Variants in MEIS2 observed in about 807,000 individuals in gnomAD.
The protein encoded by MEIS2 is homeobox protein Meis2.
MEIS2 carries 9 observed loss-of-function variants against 58.6 expected under a neutral mutation model. The ratio of observed to expected loss-of-function variants is 0.15; its 90% CI spans 0.09 to 0.27. The LOEUF (loss-of-function observed/expected upper bound fraction) is 0.27. MEIS2 is among the 10% of genes least tolerant of loss of function. The pLI, the probability that MEIS2 is intolerant of heterozygous loss-of-function variation, is 1.00. For missense variants in MEIS2, 427 were observed against 635.0 expected (o/e 0.67, Z 3.52); for synonymous variants, 221 against 228.4 (o/e 0.97, Z 0.29).
At chr15:36,962,582 G>A (rs2059222666) in intron 8 of MEIS2, among the ~76,000 whole-genome samples, 1 of 150,302 alleles carries the variant, frequency 6.7e-6, no homozygotes, top group Non-Finnish European at 1.5e-5. Flanking sequence ...TTTTTTTCAT[G>A]AGTATTTTCA....
chr15:36,984,826 T>C (rs1383578910), intron 8 of MEIS2, among the ~76,000 whole-genome samples: 1 of 152,178 alleles, frequency 6.6e-6, no homozygotes, highest in Non-Finnish European at 1.5e-5. Flanking sequence ...GTAGGTTATA[T>C]GTTTCTAGGA....
At chr15:36,906,066 G>C (rs1193589992) in intron 9 of MEIS2, among the ~76,000 whole-genome samples, 8 of 152,170 alleles carry the variant, frequency 5.3e-5, no homozygotes, top group Non-Finnish European at 1.2e-4. Flanking sequence ...ATGGCATGCT[G>C]TAAAGCACCA....
intron 8 of MEIS2, among the ~76,000 whole-genome samples, chr15:37,018,334 C>T (rs2061417045): frequency 6.6e-6 from 1 of 152,184 alleles, no homozygotes; most frequent in African/African-American, 2.4e-5. Flanking sequence ...CACTTCTTTA[C>T]AGCATAGGAC....
intron 9 of MEIS2, among the ~76,000 whole-genome samples, chr15:36,934,743 G>C (rs1304325125): frequency 6.6e-6 from 1 of 152,162 alleles, no homozygotes; most frequent in Non-Finnish European, 1.5e-5. Flanking sequence ...CCAAGTGTAT[G>C]TGGTTACAAG....
At chr15:37,048,964 A>G (rs1364073045) in intron 7 of MEIS2, among the ~76,000 whole-genome samples, 1 of 152,196 alleles carries the variant, frequency 6.6e-6, no homozygotes, top group Non-Finnish European at 1.5e-5. Flanking sequence ...ATTTTCATAC[A>G]ATAGAGTTTC....
intron 9 of MEIS2, among the ~76,000 whole-genome samples, chr15:36,930,388 G>T (rs944886359): frequency 3.9e-5 from 6 of 152,098 alleles, no homozygotes; most frequent in Admixed American, 6.6e-5. Context: ...AGAGGTCACT[G>T]AGGCTGGCAA....
At chr15:36,930,658 C>CAA (rs140947418) in intron 9 of MEIS2, among the ~76,000 whole-genome samples, 10,027 of 151,382 alleles carry the variant, frequency 0.066, 448 homozygotes, top group East Asian at 0.2. Context: ...AAGTCATAAG[C>CAA]AAAAAAAATG....
chr15:36,922,793 T>G (rs1349462436), intron 9 of MEIS2, among the ~76,000 whole-genome samples: 1 of 151,836 alleles, frequency 6.6e-6, no homozygotes, highest in East Asian at 1.9e-4. Flanking sequence ...TGTATTTTTT[T>G]TTTTTTTAGA....
chr15:37,026,233 T>A (rs2061700696), intron 8 of MEIS2, among the ~76,000 whole-genome samples: 1 of 152,200 alleles, frequency 6.6e-6, no homozygotes, highest in Non-Finnish European at 1.5e-5. Context: ...CATTCATCTT[T>A]TCTATTGATA....
chr15:37,022,712 T>C (rs1446155480), intron 8 of MEIS2, among the ~76,000 whole-genome samples: 1 of 152,202 alleles, frequency 6.6e-6, no homozygotes, highest in African/African-American at 2.4e-5. Flanking sequence ...CAAGCTCAGC[T>C]CACTGCAACC....
At chr15:37,099,060 G>T (rs1008985238) in intron 1 of MEIS2, 1 of 984,726 alleles carries the variant, frequency 1.0e-6, no homozygotes, top group Non-Finnish European at 1.2e-6. Flanking sequence ...TGCCCGCCCC[G>T]AGCCGCGCGA....
intron 1 of MEIS2, chr15:37,098,406 G>GAGAGAGAA (rs1894633084): frequency 1.6e-6 from 2 of 1,212,378 alleles, no homozygotes; most frequent in Non-Finnish European, 2.1e-6. Flanking sequence ...GAGAGAGAGA[G>GAGAGAGAA]AGAGAGAGAG....
intron 8 of MEIS2, among the ~76,000 whole-genome samples, chr15:36,962,217 T>C (rs1421202454): frequency 6.6e-6 from 1 of 152,216 alleles, no homozygotes; most frequent in African/African-American, 2.4e-5. Flanking sequence ...GTTGTGGCTT[T>C]CGCAGAAGAA....
chr15:37,085,780 C>G (rs976763970), intron 6 of MEIS2, among the ~76,000 whole-genome samples: 4 of 152,088 alleles, frequency 2.6e-5, no homozygotes. Context: ...TGTAGAAAGA[C>G]AAAGTCATGC....
intron 8 of MEIS2, among the ~76,000 whole-genome samples, chr15:36,991,147 A>G (rs1444619910): frequency 2.6e-5 from 4 of 152,208 alleles, no homozygotes; most frequent in Non-Finnish European, 5.9e-5. Context: ...GGACTTGTCT[A>G]CTAAGCATCA....
At chr15:37,092,875 T>TTAAAGTGTTA (rs1893717658) in intron 6 of MEIS2, among the ~76,000 whole-genome samples, 2 of 151,930 alleles carry the variant, frequency 1.3e-5, no homozygotes, top group Non-Finnish European at 1.5e-5. Context: ...TCACCAACTG[T>TTAAAGTGTTA]TAAAGTGTTA....
chr15:36,917,466 ATT>A (rs2057329515), intron 9 of MEIS2, among the ~76,000 whole-genome samples: 1 of 150,562 alleles, frequency 6.6e-6, no homozygotes, highest in Non-Finnish European at 1.5e-5. Context: ...TCTGAACCTG[ATT>A]CAACAGGCCC....
At chr15:36,989,334 C>T (rs1567149541) in intron 8 of MEIS2, among the ~76,000 whole-genome samples, 1 of 152,170 alleles carries the variant, frequency 6.6e-6, no homozygotes, top group African/African-American at 2.4e-5. Flanking sequence ...CAGCTGCCAC[C>T]TTATCATGCA....
chr15:36,979,107 T>A lies in MEIS2; in HGVS notation c.901-28707A>T, dbSNP rs559922102. Among the ~76,000 whole-genome samples the A allele has an allele frequency of 3.3e-4, 51 of 152,266 alleles. No individual in the cohort carries two copies. The South Asian group carries it at 0.011, about 32-fold the overall frequency. The stretch of plus-strand genomic sequence containing the variant: ...ATTTGAAACTTTTTGAGCACTGACA[T>A]GATGCTACAAATGAAAAATTCCACA... On this transcript the variant is annotated intron_variant, in intron 8 of 11. Transcript: ENST00000561208.
Sources: gnomAD v4.1 joint callset for allele counts (sites outside exome capture counted in the v4.1 genomes callset) on GRCh38, gnomAD v4.1.1 for gene constraint, MANE v1.5 for transcripts, NCBI Gene and HGNC (gene_info 2026-07-23, HGNC 2026-07-21) for gene names.